USP34: variants seen among roughly 807,000 people sequenced by gnomAD.
USP34 encodes ubiquitin specific peptidase 34, also known as ubiquitin carboxyl-terminal hydrolase 34.
Under a neutral mutation model 460.3 loss-of-function variants are expected in USP34, and 70 were observed. The observed-to-expected ratio is 0.15, with a 90% confidence interval of 0.13 to 0.19. USP34 has a LOEUF of 0.19. USP34 is among the 10% of genes least tolerant of loss of function. The pLI, the probability that USP34 is intolerant of heterozygous loss-of-function variation, is 1.00. For missense variants in USP34, 3,985 were observed against 4,236.2 expected, an observed-to-expected ratio of 0.94 and a Z score of 1.65; for synonymous variants, 1,647 against 1,405.3, an observed-to-expected ratio of 1.17 and a Z score of -3.85.
chr2:61,206,675 A>G, intron 71 of USP34, 85 bp downstream of exon 71: 2 of 1,516,848 alleles, frequency 1.3e-6, no homozygotes, highest in East Asian at 2.3e-5. Context: ...GGATAAAAAC[A>G]ATTTCTCTGG....
rs1001731725 is a variant in USP34, at chr2:61,371,747, G to T, written c.1077-1168C>A. The stretch of plus-strand genomic sequence containing the variant: ...CAGCGATCACTCACCAACTCACCCA[G>T]AGCAACTTCCAGTCCTGCAAGCTCC... On this transcript the variant is annotated intron_variant, in intron 8 of 79. Transcript: ENST00000398571. 2.0e-5 allele frequency among the ~76,000 whole-genome samples: 3 copies of T among 152,218 alleles called. No homozygotes were observed. In the East Asian group the frequency reaches 5.8e-4, roughly 29 times the overall value.
intron 10 of USP34, among the ~76,000 whole-genome samples, chr2:61,363,235 C>T (rs917798422): frequency 3.9e-5 from 6 of 152,056 alleles, no homozygotes; most frequent in African/African-American, 1.4e-4. Flanking sequence ...TGTGGAGAAA[C>T]CAGAACCCTC....
At chr2:61,399,935 C>T (rs1043980144) in intron 3 of USP34, among the ~76,000 whole-genome samples, 4 of 145,010 alleles carry the variant, frequency 2.8e-5, no homozygotes, top group African/African-American at 7.6e-5. Flanking sequence ...TTTAGGTAAT[C>T]GCTGAGAAAG....
rs532685124 is a variant in USP34, at chr2:61,417,060, C to G, written c.131+3686G>C. ...TCTTCTGGCAGCCGGGGAACTTGAA[C>G]TTGGCCCTGAGCAGGACCTCAATCA... On this transcript the variant is annotated intron_variant, in intron 2 of 79. Coordinates refer to ENST00000398571, the MANE Select transcript of USP34 (RefSeq NM_014709.4). The G allele has an allele frequency of 4.4e-6, 6 of 1,353,066 alleles. No homozygotes were observed. In the East Asian group the frequency reaches 1.4e-4, roughly 31 times the overall value. 83.8% of individuals were successfully genotyped at this position (1,353,066 alleles called of 1,614,324 possible).
intron 8 of USP34, among the ~76,000 whole-genome samples, chr2:61,377,086 T>C (rs1692820818): frequency 6.6e-6 from 1 of 152,186 alleles, no homozygotes; most frequent in African/African-American, 2.4e-5. Context: ...TGACAAAGAA[T>C]ATTGCCAGAG....
intron 67 of USP34, among the ~76,000 whole-genome samples, chr2:61,218,762 G>C (rs1382261727): frequency 6.6e-6 from 1 of 152,124 alleles, no homozygotes; most frequent in Non-Finnish European, 1.5e-5. Flanking sequence ...TGTGTGTCAT[G>C]GTTAGATTCA....
intron 71 of USP34, 51 bp from the exon 72 acceptor site, chr2:61,206,175 C>T: frequency 1.4e-6 from 2 of 1,480,878 alleles, no homozygotes; most frequent in South Asian, 2.3e-5. Flanking sequence ...CAAACTTCCT[C>T]ACAAATGTTT....
At chr2:61,360,185 T>C (rs1212071955) in intron 10 of USP34, among the ~76,000 whole-genome samples, 1 of 152,000 alleles carries the variant, frequency 6.6e-6, no homozygotes, top group African/African-American at 2.4e-5. Flanking sequence ...CCTATTCAAT[T>C]TAATACTGAA....
chr2:61,443,762 A>G (rs1007237403), intron 1 of USP34, among the ~76,000 whole-genome samples: 11 of 152,170 alleles, frequency 7.2e-5, no homozygotes, highest in South Asian at 4.1e-4. Flanking sequence ...GTTATTACAC[A>G]TTTGTCAAAC....
chr2:61,314,099 A>T (rs893257619), intron 25 of USP34, among the ~76,000 whole-genome samples: 1 of 152,034 alleles, frequency 6.6e-6, no homozygotes, highest in African/African-American at 2.4e-5. Context: ...CATTAACAGA[A>T]TTTTTTGGTC....
intron 2 of USP34, among the ~76,000 whole-genome samples, chr2:61,409,661 C>A (rs1693982489): frequency 6.6e-6 from 1 of 152,116 alleles, no homozygotes; most frequent in African/African-American, 2.4e-5. Context: ...TTGCAGTGAG[C>A]CAAGACTGCG....
At chr2:61,257,420 A>C in intron 44 of USP34, 70 bp from the exon 45 acceptor site, 2 of 1,342,306 alleles carry the variant, frequency 1.5e-6, no homozygotes, top group Non-Finnish European at 2.0e-6. Context: ...TTCAATGAAC[A>C]TATAACAAAA....
intron 10 of USP34, among the ~76,000 whole-genome samples, chr2:61,356,405 G>A (rs1270992521): frequency 1.3e-5 from 2 of 151,968 alleles, no homozygotes; most frequent in Non-Finnish European, 2.9e-5. Flanking sequence ...TGGGAGGATG[G>A]CTTAATCCTG....
intron 20 of USP34, among the ~76,000 whole-genome samples, chr2:61,330,545 G>A (rs1213390049): frequency 1.3e-5 from 2 of 152,152 alleles, no homozygotes; most frequent in Non-Finnish European, 2.9e-5. Flanking sequence ...CCACCTTTGT[G>A]GAAGTTTTCT....
chr2:61,274,211 G>A (rs28718728), intron 41 of USP34, among the ~76,000 whole-genome samples: 4,413 of 151,826 alleles, frequency 0.029, 222 homozygotes, highest in African/African-American at 0.1. Flanking sequence ...CCAAAATGGC[G>A]AAATCCGGTC....
In USP34 at chr2:61,236,375, A is replaced by T; in HGVS notation, c.6792T>A (p.Asp2264Glu). 6.3e-7 allele frequency: 1 copy of T among 1,597,602 alleles called. No individual in the cohort carries two copies. Residue 2264 changes from aspartate (D) to glutamate (E), a missense_variant, in exon 54 of 80, where the codon GAT becomes GAA. Around this residue, in one of 14 missense-constraint regions of USP34, gnomAD observed 604 missense variants for 684.8 expected, o/e 0.88. Coordinates refer to ENST00000398571, the MANE Select transcript of USP34 (RefSeq NM_014709.4). ...SSELLEWIWH[D>E]NMQFLQDKNI... Reference sequence around the variant, plus strand: ...TTTTGTCTTGAAGAAACTGCATGTTATCATGCCAAATCCACTGAAAATAAA... The same window carrying T: ...TTTTGTCTTGAAGAAACTGCATGTTTTCATGCCAAATCCACTGAAAATAAA...
At chr2:61,263,803 T>C (rs1257466573) in intron 43 of USP34, among the ~76,000 whole-genome samples, 1 of 152,160 alleles carries the variant, frequency 6.6e-6, no homozygotes, top group African/African-American at 2.4e-5. Flanking sequence ...TTTGTATATC[T>C]GGTAGAGATA....
intron 8 of USP34, among the ~76,000 whole-genome samples, chr2:61,376,916 TACAGGC>T (rs1284502438): frequency 1.3e-5 from 2 of 152,184 alleles, no homozygotes; most frequent in Admixed American, 1.3e-4. Context: ...AGTGCTGGGA[TACAGGC>T]GTGAGCCACT....
chr2:61,268,711 A>G (rs1276521372), intron 41 of USP34, among the ~76,000 whole-genome samples: 3 of 152,154 alleles, frequency 2.0e-5, no homozygotes, highest in African/African-American at 7.2e-5. Context: ...CATGTGCACT[A>G]AAAACATTAT....
Sources: gnomAD v4.1 joint callset for allele counts (sites outside exome capture counted in the v4.1 genomes callset) on GRCh38, gnomAD v4.1.1 for gene constraint, gnomAD v4.1.1 regional missense constraint, MANE v1.5 for transcripts, NCBI Gene and HGNC (gene_info 2026-07-23, HGNC 2026-07-21) for gene names.